CNTN4: variants seen among roughly 807,000 people sequenced by gnomAD.
The protein encoded by CNTN4 is contactin-4.
A neutral mutation model predicts 122.5 loss-of-function variants in CNTN4; 77 were observed. The ratio of observed to expected loss-of-function variants is 0.63; its 90% CI spans 0.52 to 0.76. The LOEUF is 0.76. CNTN4 is among the 30% of genes least tolerant of loss of function. CNTN4 has a pLI of 0.00. For synonymous variants in CNTN4, 512 were observed against 447.0 expected, an observed-to-expected ratio of 1.15 and a Z score of -1.83; for missense variants, 1,256 against 1,259.1, an observed-to-expected ratio of 1.00 and a Z score of 0.04.
chr3:2,149,422 T>C (rs1185186864), intron 2 of CNTN4, among the ~76,000 whole-genome samples: 1 of 152,194 alleles, frequency 6.6e-6, no homozygotes, highest in East Asian at 1.9e-4. Context: ...AATTACCAAT[T>C]TGAGATGAAT....
At chr3:2,993,224 A>AT (rs998782839) in intron 14 of CNTN4, among the ~76,000 whole-genome samples, 6 of 151,856 alleles carry the variant, frequency 4.0e-5, no homozygotes, top group Non-Finnish European at 7.4e-5. Flanking sequence ...TAGCCATGTC[A>AT]TTTTTTTACA....
chr3:2,802,034 A>G (rs1234727211), intron 6 of CNTN4, among the ~76,000 whole-genome samples: 1 of 152,220 alleles, frequency 6.6e-6, no homozygotes, highest in Non-Finnish European at 1.5e-5. Context: ...TACTATTATT[A>G]TTACAACTAC....
intron 2 of CNTN4, among the ~76,000 whole-genome samples, chr3:2,293,640 T>A (rs1347989105): frequency 6.6e-6 from 1 of 152,228 alleles, no homozygotes; most frequent in Non-Finnish European, 1.5e-5. Context: ...TTGGCTGTTA[T>A]TATTACTAAC....
intron 4 of CNTN4, among the ~76,000 whole-genome samples, chr3:2,713,959 C>A (rs967076875): frequency 1.6e-4 from 24 of 152,118 alleles, no homozygotes; most frequent in African/African-American, 5.8e-4. Context: ...TGAAATGAGA[C>A]AATGCATGTA....
intron 6 of CNTN4, among the ~76,000 whole-genome samples, chr3:2,776,274 CTTTTTTTTTTT>C (rs10575193): frequency 1.8e-4 from 24 of 134,194 alleles, no homozygotes; most frequent in African/African-American, 6.8e-4. Context: ...ATAAGTGTTT[CTTTTTTTTTTT>C]TTTTTTTTGG....
chr3:3,035,658 G>A (rs1699537762), intron 17 of CNTN4, among the ~76,000 whole-genome samples: 1 of 152,138 alleles, frequency 6.6e-6, no homozygotes, highest in African/African-American at 2.4e-5. Flanking sequence ...CTGGGCTCAA[G>A]CAATCTTCCC....
intron 2 of CNTN4, among the ~76,000 whole-genome samples, chr3:2,281,854 C>T (rs1440631257): frequency 6.6e-6 from 1 of 152,086 alleles, no homozygotes; most frequent in African/African-American, 2.4e-5. Context: ...GAGTAATATA[C>T]TAGAAGTTTG....
Position 2,685,983 on chromosome 3 carries a change from C to A in CNTN4, c.56-50232C>A, listed in dbSNP as rs375923854. ...AAATGCACAACCAATTCCCAATTAC[C>A]CAAGTTGTATTTCAATCCCAGAGTG... On this transcript the variant is annotated intron_variant, in intron 4 of 24. Transcript: ENST00000418658. Among the ~76,000 whole-genome samples the A allele has an allele frequency of 3.2e-4, 48 of 152,224 alleles. 1 individual carries two copies. In the East Asian group the frequency reaches 9.1e-3, roughly 29 times the overall value.
intron 6 of CNTN4, among the ~76,000 whole-genome samples, chr3:2,783,744 G>C (rs1036320522): frequency 1.3e-5 from 2 of 152,200 alleles, no homozygotes; most frequent in African/African-American, 4.8e-5. Flanking sequence ...CTATAGAAGA[G>C]TTGTAACGTA....
intron 4 of CNTN4, among the ~76,000 whole-genome samples, chr3:2,674,221 C>G (rs2084703055): frequency 6.6e-6 from 1 of 152,092 alleles, no homozygotes; most frequent in Non-Finnish European, 1.5e-5. Flanking sequence ...TTTAAGGTAG[C>G]CTTTTTAAAC....
At chr3:2,991,640 A>G (rs1185785381) in intron 14 of CNTN4, among the ~76,000 whole-genome samples, 1 of 152,116 alleles carries the variant, frequency 6.6e-6, no homozygotes, top group Non-Finnish European at 1.5e-5. Context: ...CGAGGTCTCC[A>G]AGAAGGACAT....
At chr3:2,901,389 C>T (rs1174529592) in intron 11 of CNTN4, among the ~76,000 whole-genome samples, 1 of 152,130 alleles carries the variant, frequency 6.6e-6, no homozygotes, top group Non-Finnish European at 1.5e-5. Context: ...TCCAGTAGGC[C>T]ACCCAGAAAA....
At chr3:2,619,202 C>T (rs1055961493) in intron 4 of CNTN4, among the ~76,000 whole-genome samples, 2 of 152,176 alleles carry the variant, frequency 1.3e-5, no homozygotes, top group Non-Finnish European at 2.9e-5. Context: ...TAAATAAGTG[C>T]AGAAGCAAAC....
chr3:2,127,540 TA>T (rs892368753), intron 2 of CNTN4, among the ~76,000 whole-genome samples: 1 of 151,896 alleles, frequency 6.6e-6, no homozygotes, highest in African/African-American at 2.4e-5. Context: ...TTGATTGTTT[TA>T]AAAAAAATCA....
At chr3:2,330,628 A>C (rs1024790912) in intron 2 of CNTN4, among the ~76,000 whole-genome samples, 4 of 152,164 alleles carry the variant, frequency 2.6e-5, no homozygotes, top group African/African-American at 7.2e-5. Flanking sequence ...TTTATAAGAC[A>C]CAGAGAATCT....
Position 2,611,936 on chromosome 3 carries a change from G to C in CNTN4, c.55+40378G>C, listed in dbSNP as rs2081509384. 3.3e-5 allele frequency among the ~76,000 whole-genome samples: 5 copies of C among 152,120 alleles called. No individual in the cohort carries two copies. The South Asian group carries it at 1.0e-3, about 32-fold the overall frequency. ...TTATGGTGAGACACACTACTAGGTG[G>C]CCCAGTTTTATTCAGGATATGTAGG... On this transcript the variant is annotated intron_variant, in intron 4 of 24. Transcript: ENST00000418658.
At chr3:3,044,926 G>A (rs6782088) in intron 23 of CNTN4, among the ~76,000 whole-genome samples, 37,729 of 152,114 alleles carry the variant, frequency 0.25, 4,965 homozygotes, top group Middle Eastern at 0.34. Context: ...CTAATACTGC[G>A]CTTTTCCAAT....
chr3:3,045,496 G>A (rs910656438), intron 23 of CNTN4, among the ~76,000 whole-genome samples: 29 of 152,204 alleles, frequency 1.9e-4, no homozygotes, highest in South Asian at 4.1e-4. Flanking sequence ...TGCAGCCTCC[G>A]CTGCTGAAAC....
At position 3,002,997 on chromosome 3, in the gene CNTN4, C is replaced by G. The variant is rs184023963; in HGVS notation, c.1486+14525C>G. Among the ~76,000 whole-genome samples the G allele has an allele frequency of 2.1e-3, 326 of 152,276 alleles. 1 individual carries two copies. The highest frequency in any genetic ancestry group is 7.1e-3 in the African/African-American group (297 of 41,562). On this transcript the variant is annotated intron_variant, in intron 14 of 24. Transcript: ENST00000418658. ...TGAAAGGACATTGGACTCGGTTTGC[C>G]TCGATCTTCATATACCTGTCAAAAT...
Sources: gnomAD v4.1 joint callset for allele counts (sites outside exome capture counted in the v4.1 genomes callset) on GRCh38, gnomAD v4.1.1 for gene constraint, MANE v1.5 for transcripts, NCBI Gene and HGNC (gene_info 2026-07-23, HGNC 2026-07-21) for gene names.